The following RBM47 variants were observed in gnomAD, a reference collection of about 807,000 sequenced individuals.
The protein encoded by RBM47 is RNA binding motif protein 47, also known as RNA-binding protein 47.
RBM47 carries 21 observed loss-of-function variants against 47.1 expected under a neutral mutation model. That is an observed-to-expected ratio of 0.45 (90% CI 0.32 to 0.64). RBM47 has a LOEUF of 0.64. Among genes scored for constraint, RBM47 ranks in the 30% least tolerant of loss-of-function variants. The pLI is 0.05. For synonymous variants in RBM47, 375 were observed against 361.7 expected, an observed-to-expected ratio of 1.04 and a Z score of -0.42; for missense variants, 708 against 870.9, an observed-to-expected ratio of 0.81 and a Z score of 2.35.
chr4:40,586,776 A>T (rs976178347), intron 1 of RBM47, among the ~76,000 whole-genome samples: 2 of 151,820 alleles, frequency 1.3e-5, no homozygotes, highest in African/African-American at 2.4e-5. Context: ...TCCATTGTGA[A>T]CTTTCATGAC....
Position 40,438,107 on chromosome 4 carries a change from T to G in RBM47, c.787A>C (p.Lys263Gln). 6.2e-7 allele frequency: 1 copy of G among 1,613,720 alleles called. No homozygotes were observed. Among genetic ancestry groups the G allele is most frequent in the Non-Finnish European group, 8.5e-7 (1 of 1,180,010 alleles). The change falls in exon 4 of 7, where the codon AAG becomes CAG. Residue 263 changes from lysine to glutamine, a missense_variant. Transcript: ENST00000295971. ...LMIETTEDTIKKSFGQFNPGC... is the reference protein window; with the variant it reads ...LMIETTEDTIQKSFGQFNPGC... The stretch of plus-strand genomic sequence containing the variant: ...GGGTTGAACTGGCCGAAGCTCTTCT[T>G]GATGGTGTCCTCGGTGGTCTCGATC...
rs765299158 is a variant in RBM47 at position 40,426,038 on chromosome 4, C to T, written c.1648G>A (p.Ala550Thr). The stretch of plus-strand genomic sequence containing the variant: ...TTCTTCTGTAGTGTGGCGATCGTGG[C>T]TGTAGCTGGAGCAGCAAATGGCACG... Reference protein sequence around the residue: ...SYVPFAAPATATIATLQKNAA... With the variant: ...SYVPFAAPATTTIATLQKNAA... Residue 550 changes from alanine to threonine, a missense_variant, in exon 7 of 7, where the codon GCC becomes ACC. Physicochemically the swap from Ala to Thr is moderately conservative, Grantham distance 58. Transcript: ENST00000295971. 6.2e-7 allele frequency: 1 copy of T among 1,614,222 alleles called. No individual in the cohort carries two copies. Among genetic ancestry groups the T allele is most frequent in the South Asian group, 1.1e-5 (1 of 91,086 alleles).
At chr4:40,495,219 G>C (rs768580088) in intron 2 of RBM47, among the ~76,000 whole-genome samples, 2 of 152,108 alleles carry the variant, frequency 1.3e-5, no homozygotes, top group African/African-American at 4.8e-5. Flanking sequence ...TGGGATGACC[G>C]AGGTCCCATA....
At chr4:40,565,396 G>T (rs1330216077) in intron 1 of RBM47, among the ~76,000 whole-genome samples, 1 of 152,144 alleles carries the variant, frequency 6.6e-6, no homozygotes, top group African/African-American at 2.4e-5. Context: ...CCCTTTAGTT[G>T]CTGGCTCATG....
At chr4:40,447,570 G>A (rs1184723007) in intron 3 of RBM47, among the ~76,000 whole-genome samples, 1 of 152,202 alleles carries the variant, frequency 6.6e-6, no homozygotes, top group Non-Finnish European at 1.5e-5. Flanking sequence ...TCATGCATGA[G>A]TTTACTCTAG....
At chr4:40,605,255 C>T (rs1735660996) in intron 1 of RBM47, among the ~76,000 whole-genome samples, 1 of 152,060 alleles carries the variant, frequency 6.6e-6, no homozygotes, top group Non-Finnish European at 1.5e-5. Flanking sequence ...CAACTCCTGA[C>T]CTCAGGTGAT....
chr4:40,550,234 T>C (rs759519193), intron 1 of RBM47, among the ~76,000 whole-genome samples: 3 of 152,168 alleles, frequency 2.0e-5, no homozygotes, highest in Non-Finnish European at 4.4e-5. Flanking sequence ...AAATGCTTTG[T>C]GTCAGGTAAA....
chr4:40,463,679 T>C (rs547028544), intron 3 of RBM47, among the ~76,000 whole-genome samples: 1 of 151,882 alleles, frequency 6.6e-6, no homozygotes, highest in South Asian at 2.1e-4. Flanking sequence ...TGATATTGGC[T>C]AGAGGTGGGG....
chr4:40,506,651 C>T (rs2154251868), intron 2 of RBM47, among the ~76,000 whole-genome samples: 1 of 152,302 alleles, frequency 6.6e-6, no homozygotes, highest in East Asian at 1.9e-4. Context: ...TTCCAAGTTA[C>T]CTTCTGGCTG....
intron 1 of RBM47, among the ~76,000 whole-genome samples, chr4:40,560,603 C>G (rs997601742): frequency 6.6e-6 from 1 of 152,200 alleles, no homozygotes; most frequent in African/African-American, 2.4e-5. Context: ...GTCATACATT[C>G]GAAGTTTTCA....
chr4:40,532,639 T>G (rs1727520812), intron 2 of RBM47, among the ~76,000 whole-genome samples: 1 of 143,312 alleles, frequency 7.0e-6, no homozygotes, highest in Non-Finnish European at 1.5e-5. Context: ...TTCTTTTTCC[T>G]TTTTTTTTTC....
chr4:40,571,211 A>G (rs1251380785), intron 1 of RBM47, among the ~76,000 whole-genome samples: 1 of 150,334 alleles, frequency 6.7e-6, no homozygotes, highest in Admixed American at 6.7e-5. Flanking sequence ...GTGAGACTCC[A>G]TCTCAAAAGA....
chr4:40,568,233 C>T (rs1199539576), intron 1 of RBM47, among the ~76,000 whole-genome samples: 1 of 151,554 alleles, frequency 6.6e-6, no homozygotes, highest in African/African-American at 2.4e-5. Context: ...CGAGACCAGC[C>T]TGGGCAACAT....
At chr4:40,611,306 C>T (rs1438497105) in intron 1 of RBM47, among the ~76,000 whole-genome samples, 1 of 152,236 alleles carries the variant, frequency 6.6e-6, no homozygotes, top group Non-Finnish European at 1.5e-5. Context: ...CTGATTTAGT[C>T]TGTGAGCTTC....
chr4:40,427,571 C>A (rs1276970976), intron 6 of RBM47: 2 of 152,196 alleles, frequency 1.3e-5, no homozygotes, highest in Non-Finnish European at 2.9e-5. Context: ...ATAAAACATT[C>A]ATTTAACAAA....
chr4:40,484,089 A>G (rs1720775879), intron 2 of RBM47, among the ~76,000 whole-genome samples: 5 of 152,230 alleles, frequency 3.3e-5, no homozygotes, highest in Admixed American at 3.3e-4. Flanking sequence ...AAGGTTCACA[A>G]TATGTGAGCT....
At chr4:40,509,245 T>C (rs1037135343) in intron 2 of RBM47, among the ~76,000 whole-genome samples, 107 of 152,244 alleles carry the variant, frequency 7.0e-4, no homozygotes, top group African/African-American at 2.5e-3. Flanking sequence ...CTCTGAATGA[T>C]AAATTCATTC....
At chr4:40,591,182 G>A (rs959504742) in intron 1 of RBM47, among the ~76,000 whole-genome samples, 2 of 152,252 alleles carry the variant, frequency 1.3e-5, no homozygotes, top group East Asian at 1.9e-4. Context: ...GCCAGGGGCT[G>A]GGGGAAGGTG....
In RBM47 at chr4:40,438,528, G is replaced by T. The variant is rs200361040; in HGVS notation, c.366C>A (p.His122Gln). The change falls in exon 4 of 7, where the codon CAC (histidine) becomes CAA (glutamine). Residue 122 changes from histidine (H) to glutamine (Q), a missense_variant. Coordinates refer to ENST00000295971, the MANE Select transcript of RBM47 (RefSeq NM_001098634.2). ...GCTCACGCACTGCGCGCTTGGCCTC[G>T]TGCTTGTGGCAGTACATGACGAAGG... ...GYAFVMYCHK[H>Q]EAKRAVRELN... The T allele has an allele frequency of 3.7e-6, 6 of 1,613,834 alleles. No homozygotes were observed. The highest frequency in any genetic ancestry group is 5.1e-6 in the Non-Finnish European group (6 of 1,179,932).
Sources: gnomAD v4.1 joint callset for allele counts (sites outside exome capture counted in the v4.1 genomes callset) on GRCh38, gnomAD v4.1.1 for gene constraint, MANE v1.5 for transcripts, NCBI Gene and HGNC (gene_info 2026-07-23, HGNC 2026-07-21) for gene names.